The following COMMD10 variants were observed in gnomAD, a reference collection of about 807,000 sequenced individuals.
The protein encoded by COMMD10 is COMM domain-containing protein 10.
Under a neutral mutation model 28.9 loss-of-function variants are expected in COMMD10, and 33 were observed. The ratio of observed to expected loss-of-function variants is 1.14; its 90% CI spans 0.87 to 1.53. The LOEUF (loss-of-function observed/expected upper bound fraction) is 1.53. Among genes scored for constraint, COMMD10 ranks in the 40% most tolerant of loss-of-function variants. The pLI, the probability that COMMD10 is intolerant of heterozygous loss-of-function variation, is 0.00. For synonymous variants in COMMD10, 110 were observed against 81.7 expected, an observed-to-expected ratio of 1.35 and a Z score of -1.87; for missense variants, 310 against 233.4, an observed-to-expected ratio of 1.33 and a Z score of -2.14.
intron 5 of COMMD10, among the ~76,000 whole-genome samples, chr5:116,287,979 C>A (rs1751263477): frequency 6.6e-6 from 1 of 151,610 alleles, no homozygotes; most frequent in African/African-American, 2.4e-5. Context: ...ACTAAATTTA[C>A]AGTATTACGT....
chr5:116,119,660 A>G (rs1751357624), intron 4 of COMMD10, among the ~76,000 whole-genome samples: 1 of 152,110 alleles, frequency 6.6e-6, no homozygotes, highest in Non-Finnish European at 1.5e-5. Flanking sequence ...TGAAGTGTGC[A>G]GTGGCTTGTG....
intron 5 of COMMD10, among the ~76,000 whole-genome samples, chr5:116,258,804 C>T (rs567944082): frequency 5.9e-5 from 9 of 151,622 alleles, no homozygotes; most frequent in African/African-American, 2.2e-4. Context: ...AATGCTTTGC[C>T]TCATCTGCCT....
intron 5 of COMMD10, among the ~76,000 whole-genome samples, chr5:116,253,219 A>C (rs1410785952): frequency 5.9e-4 from 66 of 111,476 alleles, no homozygotes; most frequent in African/African-American, 1.6e-3. Flanking sequence ...GGTTTTCTAG[A>C]TATACAATCA....
intron 5 of COMMD10, among the ~76,000 whole-genome samples, chr5:116,248,824 A>G (rs1750031981): frequency 6.6e-6 from 1 of 151,984 alleles, no homozygotes. Context: ...TATACTGACA[A>G]AATTGAAATG....
chr5:116,266,821 T>C (rs1050555313), intron 5 of COMMD10, among the ~76,000 whole-genome samples: 11 of 151,942 alleles, frequency 7.2e-5, no homozygotes, highest in African/African-American at 2.7e-4. Flanking sequence ...TAATCCATCA[T>C]ATAAACAGAA....
rs149686798 is a variant in COMMD10 at position 116,211,600 on chromosome 5, T to C, written c.510+77422T>C. 1.4e-3 allele frequency among the ~76,000 whole-genome samples: 219 copies of C among 152,248 alleles called. 1 individual carries two copies. The highest frequency in any genetic ancestry group is 4.9e-3 in the African/African-American group (205 of 41,552). On this transcript the variant is annotated intron_variant, in intron 5 of 6. Coordinates refer to ENST00000274458, the MANE Select transcript of COMMD10 (RefSeq NM_016144.4). ...TGACTATATATATATTTGTCACTTA[T>C]TAGCACATTAATATGGATTTGTATA...
At chr5:116,243,288 C>T (rs905689378) in intron 5 of COMMD10, among the ~76,000 whole-genome samples, 15 of 152,136 alleles carry the variant, frequency 9.9e-5, no homozygotes, top group Non-Finnish European at 1.9e-4. Context: ...ACTCAATTTG[C>T]ATTACATACA....
intron 4 of COMMD10, among the ~76,000 whole-genome samples, chr5:116,121,156 C>T (rs113795041): frequency 0.054 from 8,193 of 151,820 alleles, 334 homozygotes; most frequent in African/African-American, 0.11. Flanking sequence ...TGACAGGCCC[C>T]GTGTGTGATG....
intron 4 of COMMD10, among the ~76,000 whole-genome samples, chr5:116,107,130 T>G (rs1293409836): frequency 6.6e-6 from 1 of 152,148 alleles, no homozygotes; most frequent in African/African-American, 2.4e-5. Context: ...TATTTCCACC[T>G]TGGTGAATCT....
chr5:116,267,832 A>G (rs1209606832), intron 5 of COMMD10, among the ~76,000 whole-genome samples: 1 of 151,928 alleles, frequency 6.6e-6, no homozygotes, highest in Non-Finnish European at 1.5e-5. Context: ...AAACCTGAGA[A>G]AAACAAGCAA....
chr5:116,278,496 C>T (rs1004199360), intron 5 of COMMD10, among the ~76,000 whole-genome samples: 4 of 151,738 alleles, frequency 2.6e-5, no homozygotes, highest in African/African-American at 9.7e-5. Flanking sequence ...GATATGACTG[C>T]CAAGCATATT....
intron 5 of COMMD10, among the ~76,000 whole-genome samples, chr5:116,141,091 T>TC (rs1752181960): frequency 6.6e-6 from 1 of 151,880 alleles, no homozygotes; most frequent in South Asian, 2.1e-4. Flanking sequence ...TTTATCTCTT[T>TC]TGAGTTTGAT....
At chr5:116,121,759 G>GT (rs1165413746) in intron 4 of COMMD10, among the ~76,000 whole-genome samples, 1 of 152,166 alleles carries the variant, frequency 6.6e-6, no homozygotes, top group Non-Finnish European at 1.5e-5. Flanking sequence ...TCATGTGTCT[G>GT]TTGGCTGTGT....
At chr5:116,128,850 A>G (rs1258818721) in intron 4 of COMMD10, among the ~76,000 whole-genome samples, 2 of 151,652 alleles carry the variant, frequency 1.3e-5, no homozygotes, top group Non-Finnish European at 2.9e-5. Context: ...TCATGATCAG[A>G]TTTAGATTGT....
At chr5:116,285,620 T>G (rs964921391) in intron 5 of COMMD10, among the ~76,000 whole-genome samples, 3 of 152,008 alleles carry the variant, frequency 2.0e-5, no homozygotes, top group African/African-American at 7.3e-5. Context: ...TTATGTGTCT[T>G]TCCACCTTTA....
At chr5:116,137,701 C>A (rs1447860194) in intron 5 of COMMD10, among the ~76,000 whole-genome samples, 2 of 151,842 alleles carry the variant, frequency 1.3e-5, no homozygotes, top group African/African-American at 4.8e-5. Context: ...AAAAATGCAG[C>A]CTGCAGTGAA....
chr5:116,196,323 C>G (rs1477398357), intron 5 of COMMD10, among the ~76,000 whole-genome samples: 2 of 151,988 alleles, frequency 1.3e-5, no homozygotes, highest in South Asian at 4.1e-4. Flanking sequence ...TAGAATGATA[C>G]AGTGGACTTC....
chr5:116,265,592 C>T (rs1750562815), intron 5 of COMMD10, among the ~76,000 whole-genome samples: 1 of 151,568 alleles, frequency 6.6e-6, no homozygotes, highest in African/African-American at 2.4e-5. Context: ...TTCAAGTTAA[C>T]AAGCATTTAT....
intron 5 of COMMD10, among the ~76,000 whole-genome samples, chr5:116,180,905 C>T (rs1404765578): frequency 1.3e-5 from 2 of 152,076 alleles, no homozygotes. Flanking sequence ...CTCATCCCAG[C>T]ACTTTGGGAG....
Sources: gnomAD v4.1 joint callset for allele counts (sites outside exome capture counted in the v4.1 genomes callset) on GRCh38, gnomAD v4.1.1 for gene constraint, MANE v1.5 for transcripts, NCBI Gene and HGNC (gene_info 2026-07-23, HGNC 2026-07-21) for gene names.